Variants in PLXDC2 observed in about 807,000 individuals in gnomAD.
PLXDC2 encodes the protein plexin domain-containing protein 2.
PLXDC2 carries 40 observed loss-of-function variants against 68.9 expected under a neutral mutation model. The ratio of observed to expected loss-of-function variants is 0.58; its 90% CI spans 0.45 to 0.76. The LOEUF (loss-of-function observed/expected upper bound fraction) is 0.76, where lower values mean the gene tolerates loss of function less well. Ranked by LOEUF, PLXDC2 falls within the 30% of genes least tolerant of loss-of-function variation. The pLI is 0.00. For missense variants in PLXDC2, 644 were observed against 661.9 expected (o/e 0.97, Z 0.30); for synonymous variants, 243 against 234.2 (o/e 1.04, Z -0.34).
At chr10:20,017,458 A>T (rs897327231) in intron 2 of PLXDC2, among the ~76,000 whole-genome samples, 3 of 152,202 alleles carry the variant, frequency 2.0e-5, no homozygotes, top group Admixed American at 1.3e-4. Flanking sequence ...CGATGCGATC[A>T]ATCTGAAATT....
intron 1 of PLXDC2, among the ~76,000 whole-genome samples, chr10:19,865,576 G>A (rs1837398857): frequency 6.6e-6 from 1 of 151,884 alleles, no homozygotes; most frequent in South Asian, 2.1e-4. Flanking sequence ...AGCCTCTCAG[G>A]GTATAATGGG....
chr10:19,833,864 A>G (rs1836740529), intron 1 of PLXDC2, among the ~76,000 whole-genome samples: 1 of 152,214 alleles, frequency 6.6e-6, no homozygotes, highest in Non-Finnish European at 1.5e-5. Context: ...TGAATAGAAG[A>G]TAAGAAATGT....
chr10:20,267,910 A>G (rs1835891483), intron 13 of PLXDC2, among the ~76,000 whole-genome samples: 3 of 151,806 alleles, frequency 2.0e-5, no homozygotes, highest in Admixed American at 6.6e-5. Context: ...CTCACATAAT[A>G]TCATTACCAT....
rs1170329136 is a variant in PLXDC2, at chr10:20,279,786, G to C, written c.1557G>C (p.Glu519Asp). ...ATGCTGAAGTTGAACCAGTTGGAGA[G>C]AAAGAAGGCTTTATTGTATCAGAGC... ...PAYAEVEPVG[E>D]KEGFIVSEQC The change falls in exon 14 of 14, where the codon GAG becomes GAC. Residue 519 changes from glutamate to aspartate, a missense_variant. Physicochemically the swap from Glu to Asp is conservative, Grantham distance 45 (BLOSUM62 2). Around this residue, in one of 3 missense-constraint regions of PLXDC2, gnomAD observed 330 missense variants for 327.9 expected, o/e 1.01. Coordinates refer to ENST00000377252, the MANE Select transcript of PLXDC2 (RefSeq NM_032812.9). 1 of 1,614,008 alleles carries C rather than the reference G, an allele frequency of 6.2e-7. No individual in the cohort carries two copies. The highest frequency in any genetic ancestry group is 2.2e-5 in the East Asian group (1 of 44,880).
intron 1 of PLXDC2, among the ~76,000 whole-genome samples, chr10:19,952,801 A>G (rs966626249): frequency 1.3e-5 from 2 of 152,246 alleles, no homozygotes; most frequent in African/African-American, 2.4e-5. Context: ...TTCCAGAAGG[A>G]AATAAGACTT....
intron 12 of PLXDC2, among the ~76,000 whole-genome samples, chr10:20,239,565 G>A (rs1016135507): frequency 2.0e-5 from 3 of 152,110 alleles, no homozygotes; most frequent in Non-Finnish European, 4.4e-5. Context: ...ACTATCACAA[G>A]AACAGCATAA....
chr10:20,140,949 T>C (rs905282913), intron 4 of PLXDC2, among the ~76,000 whole-genome samples: 2 of 152,034 alleles, frequency 1.3e-5, no homozygotes, highest in African/African-American at 2.4e-5. Flanking sequence ...GACATGCTAA[T>C]AATTGTGGTG....
chr10:19,941,432 C>T (rs1328079293), intron 1 of PLXDC2, among the ~76,000 whole-genome samples: 1 of 152,176 alleles, frequency 6.6e-6, no homozygotes, highest in Non-Finnish European at 1.5e-5. Context: ...GGAGGAGATG[C>T]AGCTGGTCGT....
At chr10:19,900,787 C>T (rs1337381429) in intron 1 of PLXDC2, among the ~76,000 whole-genome samples, 1 of 151,740 alleles carries the variant, frequency 6.6e-6, no homozygotes, top group Non-Finnish European at 1.5e-5. Context: ...CCCCAAAGTC[C>T]GTTGTATCCT....
chr10:19,918,876 C>T (rs964705582), intron 1 of PLXDC2, among the ~76,000 whole-genome samples: 1 of 152,142 alleles, frequency 6.6e-6, no homozygotes, highest in African/African-American at 2.4e-5. Flanking sequence ...GAAGTTATTT[C>T]ATCATGTATG....
chr10:20,210,623 C>T (rs1212134319), intron 9 of PLXDC2, among the ~76,000 whole-genome samples: 5 of 152,116 alleles, frequency 3.3e-5, no homozygotes, highest in East Asian at 3.9e-4. Context: ...AGAAGATACT[C>T]GGGTTCCATG....
chr10:20,134,922 T>G (rs1833915465), intron 4 of PLXDC2, among the ~76,000 whole-genome samples: 1 of 152,156 alleles, frequency 6.6e-6, no homozygotes, highest in Non-Finnish European at 1.5e-5. Flanking sequence ...GCTGCTCACT[T>G]TACTCACCTG....
At chr10:19,998,501 A>T (rs1372831034) in intron 1 of PLXDC2, among the ~76,000 whole-genome samples, 1 of 152,164 alleles carries the variant, frequency 6.6e-6, no homozygotes, top group Non-Finnish European at 1.5e-5. Flanking sequence ...TTGTTTATTC[A>T]TGACATAACC....
At chr10:20,044,122 T>TCCTTCCTTCCTTCCTTCCTTCCTCCCTC (rs71388894) in intron 2 of PLXDC2, among the ~76,000 whole-genome samples, 2,374 of 99,754 alleles carry the variant, frequency 0.024, 326 homozygotes, top group Middle Eastern at 0.049. Context: ...CTTCCTTCCT[T>TCCTTCCTTCCTTCCTTCCTTCCTCCCTC]CCTCCCTCCC....
intron 1 of PLXDC2, among the ~76,000 whole-genome samples, chr10:19,964,919 G>T (rs1834223411): frequency 6.6e-6 from 1 of 152,060 alleles, no homozygotes; most frequent in Non-Finnish European, 1.5e-5. Context: ...TTTTCTCTTT[G>T]CTTAATCCAG....
chr10:20,244,056 T>C lies in PLXDC2; in HGVS notation c.1313-1289T>C, dbSNP rs1835555716. On this transcript the variant is annotated intron_variant, in intron 12 of 13. Coordinates refer to ENST00000377252, the MANE Select transcript of PLXDC2 (RefSeq NM_032812.9). ...CCTGGGCCTGGACGACAGAGCGAGA[T>C]TCCCATCTCAAAGAAAAAACAAAGA... Among the ~76,000 whole-genome samples, 5 of 151,700 alleles carry C rather than the reference T, an allele frequency of 3.3e-5. No homozygotes were observed. In the South Asian group the frequency reaches 1.0e-3, roughly 32 times the overall value.
At chr10:19,903,892 G>T in intron 1 of PLXDC2, among the ~76,000 whole-genome samples, 1 of 151,770 alleles carries the variant, frequency 6.6e-6, no homozygotes, top group East Asian at 1.9e-4. Context: ...CACTATTATC[G>T]TTCAGTTCAA....
At position 20,044,235 on chromosome 10, in the gene PLXDC2, T is replaced by C. The variant is rs1158929340; in HGVS notation, c.325-2634T>C. Among the ~76,000 whole-genome samples the C allele has an allele frequency of 9.9e-4, 89 of 89,604 alleles. 2 individuals carry two copies. The highest frequency in any genetic ancestry group is 4.3e-3 in the African/African-American group (78 of 18,154). 58.8% of individuals were successfully genotyped at this position (89,604 alleles called of 152,430 possible). ...TGTCTTTCTTTCTTTCTTTCTTTCT[T>C]TCTTTCTTTCTTTCTTTCTTTCTTT... On this transcript the variant is annotated intron_variant, in intron 2 of 13. Coordinates refer to ENST00000377252, the MANE Select transcript of PLXDC2 (RefSeq NM_032812.9).
rs900949693 is a variant in PLXDC2, at chr10:19,890,010, G to A, written c.112+72819G>A. The stretch of plus-strand genomic sequence containing the variant: ...CTGGGATCCTAACAGAGGCAGTCTC[G>A]CGTTTCAGGGCCCTTTCTCCTTCAT... On this transcript the variant is annotated intron_variant, in intron 1 of 13. Transcript: ENST00000377252. Among the ~76,000 whole-genome samples, 9 of 152,090 alleles carry A rather than the reference G, an allele frequency of 5.9e-5. No homozygotes were observed. The East Asian group carries it at 9.6e-4, about 16-fold the overall frequency.
Sources: gnomAD v4.1 joint callset for allele counts (sites outside exome capture counted in the v4.1 genomes callset) on GRCh38, gnomAD v4.1.1 for gene constraint, gnomAD v4.1.1 regional missense constraint, MANE v1.5 for transcripts, NCBI Gene and HGNC (gene_info 2026-07-23, HGNC 2026-07-21) for gene names.